The following CDH23 variants were observed in gnomAD, a reference collection of about 807,000 sequenced individuals.
CDH23 encodes the protein cadherin related 23, also known as cadherin-23.
CDH23 carries 189 observed loss-of-function variants against 317.1 expected under a neutral mutation model. The ratio of observed to expected loss-of-function variants is 0.60; its 90% CI spans 0.53 to 0.67. The LOEUF (loss-of-function observed/expected upper bound fraction) is 0.67, where lower values mean the gene tolerates loss of function less well. Ranked by LOEUF, CDH23 falls within the 30% of genes least tolerant of loss-of-function variation. The pLI, the probability that CDH23 is intolerant of heterozygous loss-of-function variation, is 0.00. For missense variants in CDH23, 4,401 were observed against 4,592.4 expected (o/e 0.96, Z 1.20); for synonymous variants, 1,839 against 1,876.8 (o/e 0.98, Z 0.52).
rs77720452 is a variant in CDH23 at position 71,496,782 on chromosome 10, G to A, written c.146-13300G>A. Among the ~76,000 whole-genome samples the A allele has an allele frequency of 0.01, 1,592 of 152,282 alleles. 47 individuals are homozygous for A. In the East Asian group the frequency reaches 0.12, roughly 12 times the overall value. ...GTGGTTCAGCTTGTTCTTAAATCCC[G>A]ATGCTTGAGTCCCTCCCTGGAGATC... On this transcript the variant is annotated intron_variant, in intron 3 of 69. Transcript: ENST00000224721.
intron 68 of CDH23, 53 bp from the exon 69 acceptor site, chr10:71,813,191 G>A: frequency 6.7e-7 from 1 of 1,496,836 alleles, no homozygotes; most frequent in Non-Finnish European, 9.1e-7. Flanking sequence ...TGGGCGAGGG[G>A]CGGGGCAGGC....
At chr10:71,654,979 A>G (rs913107934) in intron 14 of CDH23, among the ~76,000 whole-genome samples, 1 of 152,224 alleles carries the variant, frequency 6.6e-6, no homozygotes, top group African/African-American at 2.4e-5. Flanking sequence ...GAGAACGTCC[A>G]AGAATTTACA....
chr10:71,752,246 G>C (rs1840023635), intron 38 of CDH23, among the ~76,000 whole-genome samples: 1 of 152,244 alleles, frequency 6.6e-6, no homozygotes, highest in South Asian at 2.1e-4. Flanking sequence ...CCCAAAGCCT[G>C]TCTTGAGCTG....
At chr10:71,646,094 C>T in intron 13 of CDH23, 114 bp downstream of exon 13, 1 of 1,351,722 alleles carries the variant, frequency 7.4e-7, no homozygotes, top group Non-Finnish European at 1.0e-6. Context: ...CCCATCTTCC[C>T]TTGTGGATCT....
chr10:71,579,780 T>C (rs534553830), intron 9 of CDH23, among the ~76,000 whole-genome samples: 21 of 152,272 alleles, frequency 1.4e-4, no homozygotes, highest in Non-Finnish European at 2.8e-4. Flanking sequence ...ATCTTCTTCA[T>C]GAATTTTGCA....
At chr10:71,779,207 T>A in intron 40 of CDH23, 60 bp from the exon 41 acceptor site, 2 of 1,524,554 alleles carry the variant, frequency 1.3e-6, no homozygotes, top group South Asian at 2.3e-5. Flanking sequence ...AGGAAGGAAC[T>A]GAGGCCCAGC....
At chr10:71,799,008 G>C (rs1174373108) in intron 50 of CDH23, 103 bp from the exon 51 acceptor site, 1 of 1,146,402 alleles carries the variant, frequency 8.7e-7, no homozygotes, top group Non-Finnish European at 1.2e-6. Context: ...TCCTTCAAGT[G>C]ACCACAGCTG....
At chr10:71,624,837 A>G (rs1861637012) in intron 11 of CDH23, among the ~76,000 whole-genome samples, 2 of 152,032 alleles carry the variant, frequency 1.3e-5, no homozygotes, top group Admixed American at 1.3e-4. Flanking sequence ...CTAAGGTCAC[A>G]CAGCTAGTTG....
chr10:71,572,194 T>C (rs1427664399), intron 8 of CDH23, among the ~76,000 whole-genome samples: 1 of 152,222 alleles, frequency 6.6e-6, no homozygotes, highest in East Asian at 1.9e-4. Context: ...TAGCATTCCG[T>C]GGGCAGTGGG....
intron 64 of CDH23, 49 bp from the exon 65 acceptor site, chr10:71,811,664 G>T: frequency 6.2e-7 from 1 of 1,613,724 alleles, no homozygotes. Flanking sequence ...GGCAGGGCCT[G>T]AGACGTCAGC....
At chr10:71,792,820 TAAAAAAAAAA>T (rs1158593304) in intron 47 of CDH23, among the ~76,000 whole-genome samples, 14 of 47,902 alleles carry the variant, frequency 2.9e-4, no homozygotes, top group African/African-American at 9.1e-4. Context: ...AGACTCCATC[TAAAAAAAAAA>T]AAAAAAAAAA....
chr10:71,590,366 G>A (rs1302047208), intron 9 of CDH23, among the ~76,000 whole-genome samples: 1 of 152,132 alleles, frequency 6.6e-6, no homozygotes, highest in African/African-American at 2.4e-5. Context: ...CCACTTGAAG[G>A]CATTTCTTTT....
intron 9 of CDH23, 138 bp from the exon 10 acceptor site, chr10:71,615,366 C>G: frequency 2.9e-6 from 2 of 697,100 alleles, no homozygotes; most frequent in Non-Finnish European, 5.2e-6. Context: ...ACTCTTGAAC[C>G]AGCATTCATT....
intron 48 of CDH23, chr10:71,796,790 G>A: frequency 3.5e-6 from 1 of 284,672 alleles, no homozygotes; most frequent in African/African-American, 2.2e-5. Context: ...CCTCAAAATA[G>A]TAGGGTATTG....
intron 38 of CDH23, chr10:71,760,876 T>C: frequency 6.2e-7 from 1 of 1,613,622 alleles, no homozygotes. Context: ...ACTTTCACTA[T>C]CCTGGGAGGA....
chr10:71,731,954 C>G, intron 31 of CDH23, 33 bp from the exon 32 acceptor site: 1 of 1,601,138 alleles, frequency 6.2e-7, no homozygotes, highest in Non-Finnish European at 8.5e-7. Context: ...TCAGTTCTAT[C>G]TGGGACTGCA....
At chr10:71,742,069 TGC>T in intron 38 of CDH23, 148 bp downstream of exon 38, 1 of 724,206 alleles carries the variant, frequency 1.4e-6, no homozygotes, top group African/African-American at 1.8e-5. Flanking sequence ...TTAGTCCATC[TGC>T]CCAAGATGGC....
At chr10:71,467,731 CTT>C (rs10570043) in intron 3 of CDH23, among the ~76,000 whole-genome samples, 42,970 of 151,978 alleles carry the variant, frequency 0.28, 6,455 homozygotes, top group African/African-American at 0.39. Context: ...TGTGCAGAAA[CTT>C]AGTGCGTGTA....
At chr10:71,554,143 C>T (rs922045156) in intron 6 of CDH23, among the ~76,000 whole-genome samples, 1 of 152,202 alleles carries the variant, frequency 6.6e-6, no homozygotes, top group Non-Finnish European at 1.5e-5. Flanking sequence ...GCTTTGTCTC[C>T]CATAAGCCTC....
Sources: gnomAD v4.1 joint callset for allele counts (sites outside exome capture counted in the v4.1 genomes callset) on GRCh38, gnomAD v4.1.1 for gene constraint, MANE v1.5 for transcripts, NCBI Gene and HGNC (gene_info 2026-07-23, HGNC 2026-07-21) for gene names.